The following TRMT11 variants were observed in gnomAD, a reference collection of about 807,000 sequenced individuals.
TRMT11 encodes tRNA (guanine(10)-N(2))-methyltransferase TRMT11.
In TRMT11, 53 loss-of-function variants were observed where a neutral mutation model predicts 62.8. That is an observed-to-expected ratio of 0.84 (90% CI 0.68 to 1.06). The LOEUF is 1.06. Among genes scored for constraint, TRMT11 ranks in the 50% least tolerant of loss-of-function variants. The probability of loss-of-function intolerance (pLI) is 0.00; values close to 1 mark genes in which losing one functional copy is unlikely to be tolerated. For synonymous variants in TRMT11, 188 were observed against 190.3 expected (o/e 0.99, Z 0.10); for missense variants, 556 against 553.4 (o/e 1.00, Z -0.05).
chr6:126,211,959 T>G, the TRMT11 span, among the ~76,000 whole-genome samples: 1 of 152,148 alleles, frequency 6.6e-6, no homozygotes, highest in East Asian at 1.9e-4. Flanking sequence ...TAACTATCCT[T>G]TTACTCTCTA....
intron 17 of TRMT11, among the ~76,000 whole-genome samples, chr6:126,086,941 GTAT>G (rs1359227016): frequency 6.6e-6 from 1 of 152,018 alleles, no homozygotes; most frequent in Non-Finnish European, 1.5e-5. Context: ...CTTTATCATG[GTAT>G]TATTCATATT....
At position 126,097,220 on chromosome 6, in the gene TRMT11, A is replaced by G. The variant is rs573712518; in HGVS notation, c.*1438-15646A>G. Among the ~76,000 whole-genome samples, 266 of 152,326 alleles carry G rather than the reference A, an allele frequency of 1.7e-3. 1 individual carries two copies. The highest frequency in any genetic ancestry group is 5.7e-3 in the African/African-American group (239 of 41,584). Reference sequence around the variant, plus strand: ...TTAGGAGTTCTAATAGAATACTTCAATTAGAAAATGACTTCCCTTCCTGGG... The same window carrying G: ...TTAGGAGTTCTAATAGAATACTTCAGTTAGAAAATGACTTCCCTTCCTGGG... On this transcript the variant is annotated intron_variant and NMD_transcript_variant, in intron 17 of 22. Coordinates refer to the TRMT11 transcript ENST00000648977.
intron 12 of TRMT11, among the ~76,000 whole-genome samples, chr6:126,021,740 C>T (rs1043388327): frequency 5.3e-5 from 8 of 152,210 alleles, no homozygotes; most frequent in Non-Finnish European, 1.0e-4. Context: ...TTGTCTCTCT[C>T]TTACATACAA....
chr6:126,151,510 T>C (rs1778036649), intron 21 of TRMT11, among the ~76,000 whole-genome samples: 1 of 152,194 alleles, frequency 6.6e-6, no homozygotes, highest in Non-Finnish European at 1.5e-5. Flanking sequence ...TTCCTTACTA[T>C]ACTTATAACC....
the TRMT11 span, among the ~76,000 whole-genome samples, chr6:126,209,615 A>G: frequency 2.6e-5 from 4 of 151,626 alleles, no homozygotes; most frequent in African/African-American, 9.7e-5. Context: ...AGTCCCAGCT[A>G]CTCGGGAGGC....
chr6:126,116,741 G>A (rs1249483408), intron 21 of TRMT11, among the ~76,000 whole-genome samples: 1 of 152,058 alleles, frequency 6.6e-6, no homozygotes, highest in Non-Finnish European at 1.5e-5. Flanking sequence ...CTTGGTCCAA[G>A]TGTCCCTACT....
the TRMT11 span, among the ~76,000 whole-genome samples, chr6:126,235,778 G>A: frequency 6.6e-6 from 1 of 152,106 alleles, no homozygotes; most frequent in Admixed American, 6.6e-5. Flanking sequence ...GAGATGGGAT[G>A]ATCTGTGCAG....
At chr6:126,192,856 T>C (rs1171338148) in intron 1 of TRMT11, among the ~76,000 whole-genome samples, 3 of 152,214 alleles carry the variant, frequency 2.0e-5, no homozygotes, top group Non-Finnish European at 4.4e-5. Flanking sequence ...AATTTTTGGA[T>C]CTACATTTAT....
chr6:126,098,956 A>G (rs766198365), intron 17 of TRMT11, among the ~76,000 whole-genome samples: 1 of 152,230 alleles, frequency 6.6e-6, no homozygotes, highest in African/African-American at 2.4e-5. Flanking sequence ...CTCCACAAAT[A>G]TGTATTGAGA....
At chr6:126,028,230 G>A (rs1773552150) in intron 12 of TRMT11, among the ~76,000 whole-genome samples, 1 of 152,068 alleles carries the variant, frequency 6.6e-6, no homozygotes, top group East Asian at 1.9e-4. Flanking sequence ...AAAGATTAGA[G>A]ATTAGATATG....
intron 17 of TRMT11, among the ~76,000 whole-genome samples, chr6:126,082,372 A>G (rs983977575): frequency 2.6e-5 from 4 of 152,024 alleles, no homozygotes; most frequent in African/African-American, 7.2e-5. Flanking sequence ...CTAATATTAT[A>G]TATTACAATG....
chr6:126,125,105 T>C (rs1354298330), intron 21 of TRMT11, among the ~76,000 whole-genome samples: 1 of 151,888 alleles, frequency 6.6e-6, no homozygotes, highest in African/African-American at 2.4e-5. Flanking sequence ...TCAAGTGGGG[T>C]CATTTCTTTT....
At chr6:126,164,551 A>T (rs977088270) in intron 21 of TRMT11, among the ~76,000 whole-genome samples, 8 of 152,174 alleles carry the variant, frequency 5.3e-5, no homozygotes, top group African/African-American at 1.9e-4. Context: ...TGTCTCATTG[A>T]TCTGTCTAAT....
the TRMT11 span, among the ~76,000 whole-genome samples, chr6:126,271,449 T>G: frequency 2.6e-5 from 4 of 151,200 alleles, no homozygotes; most frequent in African/African-American, 9.7e-5. Flanking sequence ...TTTTAATAAT[T>G]TTCACATTCT....
At chr6:126,250,674 G>C in the TRMT11 span, among the ~76,000 whole-genome samples, 1 of 151,994 alleles carries the variant, frequency 6.6e-6, no homozygotes, top group Non-Finnish European at 1.5e-5. Context: ...GCCTTTTGTA[G>C]ACACTCACTA....
intron 12 of TRMT11, among the ~76,000 whole-genome samples, chr6:126,031,313 C>T (rs1774146795): frequency 6.6e-6 from 1 of 152,100 alleles, no homozygotes; most frequent in Admixed American, 6.6e-5. Flanking sequence ...ATTACCTGTT[C>T]CTTGAGAGGA....
chr6:126,151,834 C>CTTTCTTTCTTTCTTTG (rs1562334765), intron 21 of TRMT11, among the ~76,000 whole-genome samples: 52 of 121,262 alleles, frequency 4.3e-4, no homozygotes, highest in African/African-American at 1.7e-3. Context: ...TTCTTTCTTT[C>CTTTCTTTCTTTCTTTG]TTTCTTTCTT....
At chr6:126,073,624 C>G (rs2128143409) in intron 17 of TRMT11, among the ~76,000 whole-genome samples, 1 of 151,874 alleles carries the variant, frequency 6.6e-6, no homozygotes, top group Non-Finnish European at 1.5e-5. Flanking sequence ...AAAATTGTTC[C>G]TAGTTTTTTT....
intron 17 of TRMT11, among the ~76,000 whole-genome samples, chr6:126,057,998 G>A (rs1441548891): frequency 6.7e-6 from 1 of 150,358 alleles, no homozygotes; most frequent in Non-Finnish European, 1.5e-5. Context: ...GGATACATGT[G>A]CAGAATGTGC....
Sources: gnomAD v4.1 joint callset for allele counts (sites outside exome capture counted in the v4.1 genomes callset) on GRCh38, gnomAD v4.1.1 for gene constraint, MANE v1.5 for transcripts, NCBI Gene and HGNC (gene_info 2026-07-23, HGNC 2026-07-21) for gene names.